DTNB: variants seen among roughly 807,000 people sequenced by gnomAD.
DTNB encodes dystrobrevin beta.
A neutral mutation model predicts 90.7 loss-of-function variants in DTNB; 63 were observed. The observed-to-expected ratio is 0.69, with a 90% CI of 0.57 to 0.86. The LOEUF is 0.86. Ranked by LOEUF, DTNB falls within the 40% of genes least tolerant of loss-of-function variation. DTNB has a pLI of 0.00. For synonymous variants in DTNB, 277 were observed against 286.7 expected (o/e 0.97, Z 0.34); for missense variants, 744 against 807.1 (o/e 0.92, Z 0.95).
chr2:25,411,096 T>C (rs1558403274), intron 16 of DTNB, among the ~76,000 whole-genome samples: 1 of 152,126 alleles, frequency 6.6e-6, no homozygotes, highest in African/African-American at 2.4e-5. Flanking sequence ...CGGTGGCTCA[T>C]GGCTGTAACC....
intron 5 of DTNB, chr2:25,599,016 G>C (rs1265626887): frequency 6.6e-6 from 1 of 151,772 alleles, no homozygotes; most frequent in Non-Finnish European, 1.5e-5. Context: ...GACTGTTAAT[G>C]ACCGGCACAC....
chr2:25,447,955 G>A (rs2058681623), intron 12 of DTNB, among the ~76,000 whole-genome samples: 1 of 152,174 alleles, frequency 6.6e-6, no homozygotes, highest in Non-Finnish European at 1.5e-5. Flanking sequence ...CAAGCACAGG[G>A]CAGGGGTGGC....
Position 25,433,784 on chromosome 2 carries a change from C to T in DTNB, c.1343+126G>A, listed in dbSNP as rs2054749627. The T allele has an allele frequency of 1.6e-5, 17 of 1,035,062 alleles. No individual in the cohort carries two copies. The South Asian group carries it at 2.5e-4, about 15-fold the overall frequency. 64.1% of individuals were successfully genotyped at this position (1,035,062 alleles called of 1,614,324 possible). A position where few individuals can be genotyped will look rare whatever the true frequency, so the allele number is the denominator to read the frequency against. ...GGGCATTCCCTGGACTTGGGCTAGCCTAGGTTCACTGAGGCAAGGTCTTCC... is the reference window on the plus strand; with the variant it reads ...GGGCATTCCCTGGACTTGGGCTAGCTTAGGTTCACTGAGGCAAGGTCTTCC... On this transcript the variant is annotated intron_variant, in intron 13 of 20. Transcript: ENST00000406818.
At chr2:25,627,829 T>C (rs1274734067) in intron 4 of DTNB, among the ~76,000 whole-genome samples, 2 of 151,556 alleles carry the variant, frequency 1.3e-5, no homozygotes, top group Non-Finnish European at 2.9e-5. Flanking sequence ...CTCTGCCTCC[T>C]GGGTTCAAGC....
At chr2:25,461,017 C>T (rs1247785273) in intron 10 of DTNB, among the ~76,000 whole-genome samples, 1 of 151,970 alleles carries the variant, frequency 6.6e-6, no homozygotes, top group African/African-American at 2.4e-5. Flanking sequence ...AATTCTCTTG[C>T]CTCAGCCTCC....
At chr2:25,644,708 G>A (rs1440601902) in intron 2 of DTNB, among the ~76,000 whole-genome samples, 1 of 152,168 alleles carries the variant, frequency 6.6e-6, no homozygotes, top group Non-Finnish European at 1.5e-5. Context: ...TCAGTGGGCC[G>A]AGATTGTGCC....
intron 8 of DTNB, among the ~76,000 whole-genome samples, chr2:25,573,964 G>A (rs1256732916): frequency 1.3e-5 from 2 of 151,980 alleles, no homozygotes; most frequent in Non-Finnish European, 2.9e-5. Context: ...TTCACCCTCC[G>A]CGGAGTCCTA....
At chr2:25,479,409 G>A (rs2064447637) in intron 10 of DTNB, among the ~76,000 whole-genome samples, 1 of 152,142 alleles carries the variant, frequency 6.6e-6, no homozygotes, top group Non-Finnish European at 1.5e-5. Flanking sequence ...TTAAGCCTAT[G>A]TTTTAAAGCC....
chr2:25,484,639 G>C (rs2065760923), intron 9 of DTNB, among the ~76,000 whole-genome samples: 3 of 152,172 alleles, frequency 2.0e-5, no homozygotes, highest in Non-Finnish European at 4.4e-5. Context: ...GAGATGGAAA[G>C]TAATTTGCAG....
At chr2:25,527,548 T>A (rs1435449301) in intron 9 of DTNB, among the ~76,000 whole-genome samples, 1 of 151,476 alleles carries the variant, frequency 6.6e-6, no homozygotes, top group Non-Finnish European at 1.5e-5. Flanking sequence ...AAAAATGCCA[T>A]AAATACACGA....
Position 25,379,276 on chromosome 2 carries a change from CTCTT to C in DTNB, c.*29+10_*29+13del, listed in dbSNP as rs774270522. On this transcript the variant is annotated intron_variant, in intron 20 of 20. Coordinates refer to ENST00000406818, the MANE Select transcript of DTNB (RefSeq NM_021907.5). ...GGAGGGGCCGTGGGGAGGCAGAGGA[CTCTT>C]TGTACTCACCTGAGCTTCCTCTGTG... 1.6e-5 allele frequency: 21 copies of C among 1,331,526 alleles called. No homozygotes were observed. The highest frequency in any genetic ancestry group is 4.0e-4 in the Middle Eastern group (2 of 5,014). 82.5% of individuals were successfully genotyped at this position (1,331,526 alleles called of 1,614,324 possible). A position where few individuals can be genotyped will look rare whatever the true frequency, so the allele number is the denominator to read the frequency against.
Position 25,544,586 on chromosome 2 carries a change from C to A in DTNB, c.877-12989G>T, listed in dbSNP as rs571094391. On this transcript the variant is annotated intron_variant, in intron 8 of 20. Transcript: ENST00000406818. The stretch of plus-strand genomic sequence containing the variant: ...TAAGCAGAAAAATATCCCCCAGTGG[C>A]AGACTCTTGGTACAAAGCCTGCTAA... Among the ~76,000 whole-genome samples the A allele has an allele frequency of 2.8e-4, 43 of 152,298 alleles. No individual in the cohort carries two copies. In the South Asian group the frequency reaches 8.3e-3, roughly 29 times the overall value.
In DTNB at chr2:25,607,255, T is replaced by C; in HGVS notation, c.429A>G (p.Lys143=). ...ACTTACATCTCAATTTGTCCAGCAT[T>C]TTTCCACCACACATGGTTGCTAACA... ...KAMLATMCGG[K]MLDKLRYVFS... is the part of the protein sequence containing the mutation. The change falls in exon 5 of 21, where the codon AAA becomes AAG. Residue 143 remains lysine (K), a synonymous_variant. Coordinates refer to ENST00000406818, the MANE Select transcript of DTNB (RefSeq NM_021907.5). The C allele has an allele frequency of 1.9e-6, 3 of 1,605,694 alleles. No individual in the cohort carries two copies. Among genetic ancestry groups the C allele is most frequent in the Non-Finnish European group, 2.6e-6 (3 of 1,175,846 alleles).
intron 10 of DTNB, among the ~76,000 whole-genome samples, chr2:25,463,512 A>G (rs1460397283): frequency 6.6e-6 from 1 of 152,230 alleles, no homozygotes; most frequent in African/African-American, 2.4e-5. Context: ...AAAATGTTCT[A>G]AAACTGATTT....
chr2:25,386,320 C>T (rs1416064903), intron 18 of DTNB, among the ~76,000 whole-genome samples: 1 of 152,216 alleles, frequency 6.6e-6, no homozygotes, highest in Non-Finnish European at 1.5e-5. Context: ...CCAAGGCTTG[C>T]CTTCCCTAAG....
At chr2:25,524,419 T>G (rs1307680188) in intron 9 of DTNB, among the ~76,000 whole-genome samples, 1 of 140,054 alleles carries the variant, frequency 7.1e-6, no homozygotes, top group African/African-American at 2.8e-5. Flanking sequence ...TTTTTTTTTT[T>G]GGTGGGGGGG....
intron 12 of DTNB, among the ~76,000 whole-genome samples, chr2:25,450,004 C>T (rs1333062015): frequency 2.0e-5 from 3 of 151,992 alleles, no homozygotes; most frequent in South Asian, 2.1e-4. Flanking sequence ...CCTTGTGACC[C>T]GCCTGCCTTG....
At chr2:25,388,781 C>T in intron 16 of DTNB, 1 of 178,204 alleles carries the variant, frequency 5.6e-6, no homozygotes. Context: ...CTGCTGCCGG[C>T]AACCTGTGAG....
intron 12 of DTNB, among the ~76,000 whole-genome samples, chr2:25,449,952 T>A (rs535791745): frequency 6.6e-6 from 1 of 151,978 alleles, no homozygotes; most frequent in African/African-American, 2.4e-5. Flanking sequence ...TTAGTAGATA[T>A]GGGGTTTCAC....
Sources: allele counts gnomAD v4.1 joint callset (sites outside exome capture counted in the v4.1 genomes callset), GRCh38; gene constraint gnomAD v4.1.1; transcripts MANE v1.5; gene names NCBI Gene and HGNC (gene_info 2026-07-23, HGNC 2026-07-21).